MAGI2: variants seen among roughly 807,000 people sequenced by gnomAD.
MAGI2 encodes the protein membrane-associated guanylate kinase, WW and PDZ domain-containing protein 2.
MAGI2 carries 35 observed loss-of-function variants against 133.3 expected under a neutral mutation model. That is an observed-to-expected ratio of 0.26 (90% confidence interval 0.20 to 0.35). MAGI2 has a LOEUF of 0.35. Ranked by LOEUF, MAGI2 falls within the 10% of genes least tolerant of loss-of-function variation. MAGI2 has a pLI of 1.00. For synonymous variants in MAGI2, 729 were observed against 710.6 expected, an observed-to-expected ratio of 1.03 and a Z score of -0.41; for missense variants, 1,636 against 1,863.4, an observed-to-expected ratio of 0.88 and a Z score of 2.25.
intron 20 of MAGI2, among the ~76,000 whole-genome samples, chr7:78,085,606 A>G (rs979561626): frequency 6.6e-6 from 1 of 151,326 alleles, no homozygotes; most frequent in Non-Finnish European, 1.5e-5. Context: ...CAAACCCAAA[A>G]AAGTCCCAGC....
intron 1 of MAGI2, among the ~76,000 whole-genome samples, chr7:79,315,916 T>G (rs1838686705): frequency 6.6e-6 from 1 of 152,160 alleles, no homozygotes; most frequent in Non-Finnish European, 1.5e-5. Flanking sequence ...AGGAGCTAAG[T>G]TGGACCATTC....
Position 78,132,901 on chromosome 7 carries a change from C to G in MAGI2, c.3191G>C (p.Gly1064Ala). The change falls in exon 18 of 22, where the codon GGA becomes GCA. Residue 1064 changes from glycine to alanine, a missense_variant. Gly to Ala is a moderately conservative substitution (Grantham distance 60). Around this residue, in one of 5 missense-constraint regions of MAGI2, gnomAD observed 920 missense variants for 1,093.5 expected, o/e 0.84. Transcript: ENST00000354212. ...PAPPQPLQLQGHENSYRSEVK... is the reference protein window; with the variant it reads ...PAPPQPLQLQAHENSYRSEVK... ...GAGGAAATTTTACCTATTTTCGTGT[C>G]CTTGCAGCTGAAGTGGTTGAGGTGG... 6.2e-7 allele frequency: 1 copy of G among 1,614,056 alleles called. No homozygotes were observed. The highest frequency in any genetic ancestry group is 2.2e-5 in the East Asian group (1 of 44,876).
At chr7:79,303,830 A>G (rs1489715082) in intron 1 of MAGI2, among the ~76,000 whole-genome samples, 1 of 152,168 alleles carries the variant, frequency 6.6e-6, no homozygotes, top group African/African-American at 2.4e-5. Context: ...CATTAAGGTT[A>G]GCTTGTCTTG....
chr7:78,571,846 C>T (rs1161228262), intron 3 of MAGI2, among the ~76,000 whole-genome samples: 1 of 152,074 alleles, frequency 6.6e-6, no homozygotes, highest in African/African-American at 2.4e-5. Flanking sequence ...AAAAGCAAGA[C>T]CTGGAAATTT....
At chr7:78,582,549 A>G (rs561572965) in intron 3 of MAGI2, among the ~76,000 whole-genome samples, 1 of 152,330 alleles carries the variant, frequency 6.6e-6, no homozygotes, top group African/African-American at 2.4e-5. Context: ...AGCCAAAGGG[A>G]GACAATTCCA....
At chr7:78,857,698 A>T (rs945374176) in intron 2 of MAGI2, among the ~76,000 whole-genome samples, 1 of 152,190 alleles carries the variant, frequency 6.6e-6, no homozygotes, top group African/African-American at 2.4e-5. Flanking sequence ...CATCAGGGAT[A>T]TTGGTCTAAA....
intron 15 of MAGI2, among the ~76,000 whole-genome samples, chr7:78,161,573 G>T (rs1389193090): frequency 6.7e-6 from 1 of 149,272 alleles, no homozygotes; most frequent in Non-Finnish European, 1.5e-5. Flanking sequence ...TCCAATGAAG[G>T]CTCTTAACCT....
At chr7:78,523,523 T>A (rs1332520134) in intron 3 of MAGI2, among the ~76,000 whole-genome samples, 1 of 151,884 alleles carries the variant, frequency 6.6e-6, no homozygotes. Context: ...TAAAAAACAT[T>A]GCCCAAGACT....
At chr7:78,956,999 C>T (rs1003635174) in intron 2 of MAGI2, among the ~76,000 whole-genome samples, 6 of 151,948 alleles carry the variant, frequency 3.9e-5, no homozygotes, top group African/African-American at 1.4e-4. Flanking sequence ...CGCGGTAGCT[C>T]ACGCCTGTAA....
At chr7:78,632,208 A>C (rs1209957066) in intron 2 of MAGI2, among the ~76,000 whole-genome samples, 1 of 152,252 alleles carries the variant, frequency 6.6e-6, no homozygotes, top group Non-Finnish European at 1.5e-5. Context: ...CATGGAACTA[A>C]TATTTTAATA....
At chr7:78,752,262 T>A (rs1823522529) in intron 2 of MAGI2, among the ~76,000 whole-genome samples, 4 of 152,242 alleles carry the variant, frequency 2.6e-5, no homozygotes, top group Non-Finnish European at 1.5e-5. Flanking sequence ...CTTGATTTTG[T>A]CTGTTTTTGA....
At chr7:78,786,331 C>T (rs1046556389) in intron 2 of MAGI2, among the ~76,000 whole-genome samples, 6 of 152,182 alleles carry the variant, frequency 3.9e-5, no homozygotes, top group Non-Finnish European at 8.8e-5. Flanking sequence ...TAACTGTTCT[C>T]CTTGCTTCTG....
chr7:79,268,134 G>A (rs997735280), intron 1 of MAGI2, among the ~76,000 whole-genome samples: 6 of 152,138 alleles, frequency 3.9e-5, no homozygotes, highest in Non-Finnish European at 7.3e-5. Context: ...GTGCTTGGAG[G>A]TAGAAGCAGG....
At chr7:78,569,971 G>C (rs1189988632) in intron 3 of MAGI2, among the ~76,000 whole-genome samples, 2 of 152,274 alleles carry the variant, frequency 1.3e-5, no homozygotes, top group African/African-American at 4.8e-5. Context: ...GGATAGTAAT[G>C]TTTTCATTGT....
At chr7:78,796,225 A>G (rs559825893) in intron 2 of MAGI2, among the ~76,000 whole-genome samples, 4 of 152,304 alleles carry the variant, frequency 2.6e-5, no homozygotes, top group African/African-American at 9.6e-5. Flanking sequence ...AAATATTTGC[A>G]AAGTATGCAT....
At chr7:78,312,986 C>T (rs915050170) in intron 9 of MAGI2, among the ~76,000 whole-genome samples, 4 of 150,942 alleles carry the variant, frequency 2.7e-5, no homozygotes, top group Non-Finnish European at 5.9e-5. Context: ...ACACACACAT[C>T]GCATAGAATA....
intron 1 of MAGI2, among the ~76,000 whole-genome samples, chr7:79,043,810 A>T (rs892457810): frequency 6.6e-6 from 1 of 152,150 alleles, no homozygotes; most frequent in Non-Finnish European, 1.5e-5. Context: ...AAATGGATAA[A>T]TTCCTGGAAA....
intron 10 of MAGI2, among the ~76,000 whole-genome samples, chr7:78,234,873 C>T (rs62463876): frequency 2.1e-4 from 32 of 152,196 alleles, no homozygotes; most frequent in East Asian, 3.9e-4. Context: ...GCATAAGCAA[C>T]GAACACTCCA....
intron 2 of MAGI2, among the ~76,000 whole-genome samples, chr7:78,683,961 T>C (rs1411577414): frequency 6.6e-6 from 1 of 152,192 alleles, no homozygotes; most frequent in Non-Finnish European, 1.5e-5. Flanking sequence ...ATTTTAAATG[T>C]TTAATAAGAT....
Sources: gnomAD v4.1 joint callset for allele counts (sites outside exome capture counted in the v4.1 genomes callset) on GRCh38, gnomAD v4.1.1 for gene constraint, gnomAD v4.1.1 regional missense constraint, MANE v1.5 for transcripts, NCBI Gene and HGNC (gene_info 2026-07-23, HGNC 2026-07-21) for gene names.